The following RYR2 variants were observed in gnomAD, a reference collection of about 807,000 sequenced individuals.
RYR2 encodes cardiac muscle ryanodine receptor-calcium release channel.
Under a neutral mutation model 601.1 loss-of-function variants are expected in RYR2, and 227 were observed. The observed-to-expected ratio is 0.38, with a 90% CI of 0.34 to 0.42. RYR2 has a LOEUF of 0.42. Among genes scored for constraint, RYR2 ranks in the 10% least tolerant of loss-of-function variants. RYR2 has a pLI of 1.00. For missense variants in RYR2, 4,646 were observed against 6,156.5 expected, an observed-to-expected ratio of 0.75 and a Z score of 8.21; for synonymous variants, 2,223 against 2,175.1, an observed-to-expected ratio of 1.02 and a Z score of -0.61.
intron 1 of RYR2, among the ~76,000 whole-genome samples, chr1:237,083,538 T>G (rs148773691): frequency 2.6e-5 from 4 of 152,226 alleles, no homozygotes; most frequent in African/African-American, 9.6e-5. Flanking sequence ...TGTATGAGCT[T>G]GTTTCCAGAT....
intron 44 of RYR2, among the ~76,000 whole-genome samples, chr1:237,637,958 G>A (rs981957731): frequency 3.3e-5 from 5 of 152,024 alleles, no homozygotes; most frequent in Non-Finnish European, 7.4e-5. Flanking sequence ...AAGGCACCGC[G>A]GGCTGAGGCT....
chr1:237,108,530 A>G lies in RYR2; in HGVS notation c.48+65961A>G, dbSNP rs1040730639. On this transcript the variant is annotated intron_variant, in intron 1 of 104. Coordinates refer to ENST00000366574, the MANE Select transcript of RYR2 (RefSeq NM_001035.3). The stretch of plus-strand genomic sequence containing the variant: ...TTGCAGCCTGCAGAAGCTCACAACC[A>G]AAACAGAGAACAGGGCTGAGCTGCG... Among the ~76,000 whole-genome samples the G allele has an allele frequency of 2.0e-5, 3 of 152,238 alleles. No individual in the cohort carries two copies. In the East Asian group the frequency reaches 5.8e-4, roughly 29 times the overall value.
At chr1:237,091,964 G>C (rs1201653225) in intron 1 of RYR2, among the ~76,000 whole-genome samples, 2 of 152,148 alleles carry the variant, frequency 1.3e-5, no homozygotes, top group Non-Finnish European at 2.9e-5. Context: ...ACAGGGGATG[G>C]GTTAAAAATG....
chr1:237,713,643 G>A (rs1049636722), intron 71 of RYR2, among the ~76,000 whole-genome samples: 2 of 151,946 alleles, frequency 1.3e-5, no homozygotes, highest in African/African-American at 2.4e-5. Flanking sequence ...GTGATCTGAC[G>A]GCCTCGGCCT....
intron 94 of RYR2, 41 bp downstream of exon 94, chr1:237,792,364 T>TGTGTGTGTGCGCGC (rs757535796): frequency 2.9e-5 from 25 of 876,160 alleles, no homozygotes; most frequent in Admixed American, 1.5e-4. Context: ...TGTGTGTGTG[T>TGTGTGTGTGCGCGC]GTGTGTGTGT....
intron 70 of RYR2, among the ~76,000 whole-genome samples, chr1:237,711,223 T>C (rs2149077101): frequency 6.6e-6 from 1 of 152,336 alleles, no homozygotes; most frequent in East Asian, 1.9e-4. Context: ...CATATATTAA[T>C]ATAAACATAA....
chr1:237,130,810 C>T lies in RYR2; in HGVS notation c.48+88241C>T, dbSNP rs75113696. ...AATTTTCTCTAGAGAAAGATAACAT[C>T]GCCATATGCCTCAAATTATTTATAT... is the stretch of plus-strand genomic sequence containing the variant. On this transcript the variant is annotated intron_variant, in intron 1 of 104. Transcript: ENST00000366574. Among the ~76,000 whole-genome samples the T allele has an allele frequency of 3.6e-3, 552 of 152,218 alleles. 3 individuals are homozygous for T. Among genetic ancestry groups the T allele is most frequent in the African/African-American group, 0.012 (496 of 41,524 alleles).
chr1:237,548,350 G>A (rs997058178), intron 25 of RYR2, 81 bp from the exon 26 acceptor site: 15 of 1,447,538 alleles, frequency 1.0e-5, no homozygotes, highest in South Asian at 2.6e-5. Flanking sequence ...ACAGTAATGA[G>A]GTAGGGCCAG....
chr1:237,628,728 A>G (rs1045239047), intron 41 of RYR2, among the ~76,000 whole-genome samples: 14 of 152,170 alleles, frequency 9.2e-5, no homozygotes, highest in Admixed American at 4.6e-4. Context: ...GTACAATAAT[A>G]TATAAAAACA....
intron 87 of RYR2, among the ~76,000 whole-genome samples, chr1:237,774,208 G>T (rs1694481500): frequency 6.6e-6 from 1 of 151,924 alleles, no homozygotes; most frequent in Non-Finnish European, 1.5e-5. Flanking sequence ...AACTTTGCTT[G>T]ATGACCAGTC....
intron 25 of RYR2, among the ~76,000 whole-genome samples, chr1:237,544,735 C>T (rs1389267365): frequency 6.6e-6 from 1 of 152,128 alleles, no homozygotes; most frequent in African/African-American, 2.4e-5. Flanking sequence ...AAATATATCT[C>T]ATTTTGATAT....
chr1:237,251,497 A>C (rs760039927), intron 1 of RYR2, among the ~76,000 whole-genome samples: 2 of 152,070 alleles, frequency 1.3e-5, no homozygotes, highest in African/African-American at 2.4e-5. Context: ...TTGGCCCCTG[A>C]CTTTCTTTCT....
chr1:237,239,315 A>G (rs1478581718), intron 1 of RYR2, among the ~76,000 whole-genome samples: 1 of 152,104 alleles, frequency 6.6e-6, no homozygotes, highest in African/African-American at 2.4e-5. Context: ...CAGGCAACAG[A>G]AAGTGAAAAG....
At chr1:237,312,585 T>G (rs1412343535) in intron 2 of RYR2, among the ~76,000 whole-genome samples, 1 of 152,234 alleles carries the variant, frequency 6.6e-6, no homozygotes, top group Non-Finnish European at 1.5e-5. Context: ...TTGAAATGAA[T>G]GTTTGGATAT....
chr1:237,638,309 T>C (rs1289157400), intron 44 of RYR2, 48 bp from the exon 45 acceptor site: 2 of 1,611,910 alleles, frequency 1.2e-6, no homozygotes, highest in Admixed American at 3.4e-5. Flanking sequence ...AAGCATCTAA[T>C]GAGTTTTCAG....
At chr1:237,270,332 G>T (rs1460902734) in intron 1 of RYR2, 165 bp from the exon 2 acceptor site, 4 of 963,264 alleles carry the variant, frequency 4.2e-6, no homozygotes, top group East Asian at 2.7e-5. Flanking sequence ...GTACGTGAGG[G>T]ATTGATTCCG....
At chr1:237,685,809 C>T (rs886521980) in intron 62 of RYR2, among the ~76,000 whole-genome samples, 1 of 152,092 alleles carries the variant, frequency 6.6e-6, no homozygotes, top group Admixed American at 6.5e-5. Flanking sequence ...AATCTTATGT[C>T]TAGTAGCCAC....
At chr1:237,504,719 G>A (rs1027623535) in intron 22 of RYR2, among the ~76,000 whole-genome samples, 2 of 152,204 alleles carry the variant, frequency 1.3e-5, no homozygotes, top group Non-Finnish European at 2.9e-5. Context: ...TGCACTTGAA[G>A]TAATATCATA....
chr1:237,583,738 A>T (rs1022043047), intron 29 of RYR2, among the ~76,000 whole-genome samples: 1 of 152,152 alleles, frequency 6.6e-6, no homozygotes, highest in Admixed American at 6.5e-5. Flanking sequence ...TACGCTTGTG[A>T]TCTGCTTTAT....
Sources: gnomAD v4.1 joint callset for allele counts (sites outside exome capture counted in the v4.1 genomes callset) on GRCh38, gnomAD v4.1.1 for gene constraint, MANE v1.5 for transcripts, NCBI Gene and HGNC (gene_info 2026-07-23, HGNC 2026-07-21) for gene names.